Variants in ATP2B2 observed in about 807,000 individuals in gnomAD.
The protein encoded by ATP2B2 is ATPase plasma membrane Ca2+ transporting 2, also known as plasma membrane calcium-transporting ATPase 2.
Under a neutral mutation model 120.0 loss-of-function variants are expected in ATP2B2, and 15 were observed. The observed-to-expected ratio is 0.12, with a 90% confidence interval of 0.08 to 0.19. The LOEUF is 0.19. Ranked by LOEUF, ATP2B2 falls within the 10% of genes least tolerant of loss-of-function variation. The pLI, the probability that ATP2B2 is intolerant of heterozygous loss-of-function variation, is 1.00. For synonymous variants in ATP2B2, 694 were observed against 700.3 expected (o/e 0.99, Z 0.14); for missense variants, 1,045 against 1,719.8 (o/e 0.61, Z 6.94).
chr3:10,364,347 A>G (rs1256956647), intron 12 of ATP2B2, among the ~76,000 whole-genome samples: 1 of 152,206 alleles, frequency 6.6e-6, no homozygotes, highest in Non-Finnish European at 1.5e-5. Flanking sequence ...ATACTTGAAA[A>G]TGGTCAAGTT....
intron 11 of ATP2B2, among the ~76,000 whole-genome samples, chr3:10,372,475 G>A (rs1286507755): frequency 6.6e-6 from 1 of 152,078 alleles, no homozygotes; most frequent in Non-Finnish European, 1.5e-5. Context: ...ACTGGCGCCT[G>A]GCTTTCATTC....
intron 1 of ATP2B2, among the ~76,000 whole-genome samples, chr3:10,675,357 G>C (rs952741825): frequency 6.6e-6 from 1 of 152,118 alleles, no homozygotes; most frequent in African/African-American, 2.4e-5. Flanking sequence ...TTCCCTTGTG[G>C]GTTTGCCTTC....
chr3:10,408,810 G>A (rs553622277), intron 3 of ATP2B2, among the ~76,000 whole-genome samples: 1 of 152,282 alleles, frequency 6.6e-6, no homozygotes, highest in Non-Finnish European at 1.5e-5. Flanking sequence ...TGCTATCTGA[G>A]TTCTAATCTT....
rs186888417 is a variant in ATP2B2, at chr3:10,660,532, C to T, written c.-459-40571G>A. Among the ~76,000 whole-genome samples, 3 of 152,290 alleles carry T rather than the reference C, an allele frequency of 2.0e-5. No homozygotes were observed. In the East Asian group the frequency reaches 5.8e-4, roughly 29 times the overall value. ...ATAAATTCCTGGATACATACACCCT[C>T]CCAAGACTAAACCAGGAAGAAGTTG... On this transcript the variant is annotated intron_variant, in intron 1 of 21. Transcript: ENST00000646379.
chr3:10,332,934 C>T (rs978457930), intron 22 of ATP2B2, among the ~76,000 whole-genome samples: 3 of 152,150 alleles, frequency 2.0e-5, no homozygotes, highest in South Asian at 2.1e-4. Flanking sequence ...ATTAAGTTTC[C>T]GGGGCAAAAA....
chr3:10,567,471 G>A (rs943661912), intron 2 of ATP2B2, among the ~76,000 whole-genome samples: 4 of 152,156 alleles, frequency 2.6e-5, no homozygotes, highest in African/African-American at 4.8e-5. Context: ...GTGGGCTCAG[G>A]AGCCTGCCAG....
At chr3:10,425,135 T>TAC (rs1009007640) in intron 2 of ATP2B2, among the ~76,000 whole-genome samples, 1 of 147,878 alleles carries the variant, frequency 6.8e-6, no homozygotes, top group Non-Finnish European at 1.5e-5. Context: ...TACTAAAATA[T>TAC]ATATATATAC....
chr3:10,377,168 G>A (rs1190677022), intron 10 of ATP2B2, among the ~76,000 whole-genome samples: 1 of 152,136 alleles, frequency 6.6e-6, no homozygotes, highest in Non-Finnish European at 1.5e-5. Flanking sequence ...CTTCGTTCCC[G>A]GCCCTGTCAG....
chr3:10,376,111 G>C (rs2061373673), intron 10 of ATP2B2, among the ~76,000 whole-genome samples: 1 of 152,180 alleles, frequency 6.6e-6, no homozygotes, highest in Admixed American at 6.5e-5. Flanking sequence ...GCACATCTTA[G>C]TTCCTAGTTT....
chr3:10,340,162 T>TG lies in ATP2B2; in HGVS notation c.3237+79dup. 7.1e-7 allele frequency: 1 copy of TG among 1,399,090 alleles called. No homozygotes were observed. The highest frequency in any genetic ancestry group is 1.0e-6 in the Non-Finnish European group (1 of 995,530). 86.7% of individuals were successfully genotyped at this position (1,399,090 alleles called of 1,614,324 possible). ...TGCCTGGGGTCTGGCAGCCCATTCCTGGGGGTCCTGGATTCTCCATCCAGT... is the reference window on the plus strand; with the variant it reads ...TGCCTGGGGTCTGGCAGCCCATTCCTGGGGGGTCCTGGATTCTCCATCCAGT... On this transcript the variant is annotated intron_variant, in intron 21 of 22. Coordinates refer to ENST00000360273, the MANE Select transcript of ATP2B2 (RefSeq NM_001001331.4). The surrounding 1 kb of genome is among the most constrained non-coding windows in gnomAD (Gnocchi z 5.0).
At chr3:10,621,337 G>T (rs933570445) in intron 1 of ATP2B2, among the ~76,000 whole-genome samples, 3 of 152,236 alleles carry the variant, frequency 2.0e-5, no homozygotes, top group African/African-American at 7.2e-5. Context: ...GGCCAACACA[G>T]AGCAGTCACG....
intron 1 of ATP2B2, among the ~76,000 whole-genome samples, chr3:10,472,875 G>A (rs1007126909): frequency 6.6e-6 from 1 of 152,200 alleles, no homozygotes; most frequent in African/African-American, 2.4e-5. Context: ...AGAACTTGAT[G>A]TGCACTGCCT....
chr3:10,633,101 G>T lies in ATP2B2; in HGVS notation c.-459-13140C>A, dbSNP rs930237727. 3.9e-5 allele frequency among the ~76,000 whole-genome samples: 6 copies of T among 152,364 alleles called. No homozygotes were observed. In the East Asian group the frequency reaches 1.2e-3, roughly 29 times the overall value. On this transcript the variant is annotated intron_variant, in intron 1 of 21. Coordinates refer to the ATP2B2 transcript ENST00000646379. ...GGAACAGGGGCCCTGAGCCATGTGG[G>T]CCTGGGAGTGGAATCCTTGCTCTTC...
intron 1 of ATP2B2, among the ~76,000 whole-genome samples, chr3:10,457,329 A>C (rs2064302714): frequency 6.6e-6 from 1 of 151,978 alleles, no homozygotes; most frequent in African/African-American, 2.4e-5. Flanking sequence ...GGTCAGTGGG[A>C]GTGCATTATG....
intron 1 of ATP2B2, among the ~76,000 whole-genome samples, chr3:10,671,027 TG>T (rs2071081560): frequency 6.6e-6 from 1 of 152,204 alleles, no homozygotes; most frequent in Non-Finnish European, 1.5e-5. Flanking sequence ...GAAGGTCCTT[TG>T]ATTTCAAGAT....
At chr3:10,551,245 T>G (rs1249079981) in intron 2 of ATP2B2, among the ~76,000 whole-genome samples, 3 of 152,214 alleles carry the variant, frequency 2.0e-5, no homozygotes, top group Non-Finnish European at 4.4e-5. Context: ...TTAGAGTACC[T>G]GATGGAGGAG....
intron 1 of ATP2B2, among the ~76,000 whole-genome samples, chr3:10,673,806 C>CA (rs549651187): frequency 0.7 from 51,428 of 73,796 alleles, 17,825 homozygotes; most frequent in African/African-American, 0.75. Context: ...GACCCTGTTT[C>CA]AAAAAAAAAA....
chr3:10,340,370 G>A lies in ATP2B2; in HGVS notation c.3130-21C>T. On this transcript the variant is annotated intron_variant, in intron 20 of 22. Coordinates refer to ENST00000360273, the MANE Select transcript of ATP2B2 (RefSeq NM_001001331.4). This position sits in a 1 kb window ranked among gnomAD's most constrained non-coding sequence, Gnocchi z 5.0. ...ACTATCTGGAGGTCACAGGGGAGCA[G>A]AGAAAGAGAGAGAGAGAGGCCATCA... 1 of 1,613,380 alleles carries A rather than the reference G, an allele frequency of 6.2e-7. No individual in the cohort carries two copies. Among genetic ancestry groups the A allele is most frequent in the Non-Finnish European group, 8.5e-7 (1 of 1,179,394 alleles).
rs375151229 is a variant in ATP2B2 at position 10,676,140 on chromosome 3, A to G, written c.-460+31775T>C. Among the ~76,000 whole-genome samples, 108 of 152,318 alleles carry G rather than the reference A, an allele frequency of 7.1e-4. 2 individuals are homozygous for G. In the South Asian group the frequency reaches 0.022, roughly 31 times the overall value. On this transcript the variant is annotated intron_variant, in intron 1 of 21. Coordinates refer to the ATP2B2 transcript ENST00000646379. ...CAGGATCTGGCAGTTTCTAAGATCA[A>G]TGAAGAAGGAAGAAAGGAAGGAGAG...
Sources: allele counts gnomAD v4.1 joint callset (sites outside exome capture counted in the v4.1 genomes callset), GRCh38; gene constraint gnomAD v4.1.1; non-coding constraint Gnocchi (gnomAD v3.1); transcripts MANE v1.5; gene names NCBI Gene and HGNC (gene_info 2026-07-23, HGNC 2026-07-21).